The following DNAJC5 variants were observed in gnomAD, a reference collection of about 807,000 sequenced individuals.
The protein encoded by DNAJC5 is dnaJ homolog subfamily C member 5.
In DNAJC5, 1 loss-of-function variant was observed where a neutral mutation model predicts 23.2. That is an observed-to-expected ratio of 0.04 (90% CI 0.02 to 0.20). DNAJC5 has a LOEUF of 0.20. Among genes scored for constraint, DNAJC5 ranks in the 10% least tolerant of loss-of-function variants. The pLI, the probability that DNAJC5 is intolerant of heterozygous loss-of-function variation, is 1.00. For synonymous variants in DNAJC5, 136 were observed against 120.0 expected, an observed-to-expected ratio of 1.13 and a Z score of -0.87; for missense variants, 180 against 267.0, an observed-to-expected ratio of 0.67 and a Z score of 2.27.
chr20:63,907,979 G>A (rs2053458237), intron 1 of DNAJC5, among the ~76,000 whole-genome samples: 1 of 152,182 alleles, frequency 6.6e-6, no homozygotes, highest in African/African-American at 2.4e-5. Flanking sequence ...GGTTGGCGAG[G>A]CTAGTCTCGA....
chr20:63,930,016 G>C (rs1230071364), intron 3 of DNAJC5, among the ~76,000 whole-genome samples: 5 of 152,232 alleles, frequency 3.3e-5, no homozygotes, highest in Non-Finnish European at 7.3e-5. Context: ...CGTGAGACAG[G>C]AGGAAATAAG....
chr20:63,922,650 G>T (rs1229169118), intron 1 of DNAJC5, among the ~76,000 whole-genome samples: 1 of 151,738 alleles, frequency 6.6e-6, no homozygotes, highest in African/African-American at 2.4e-5. Context: ...CACGCCTGTA[G>T]TCCCACCTAT....
At chr20:63,896,383 T>C (rs553998347) in intron 1 of DNAJC5, among the ~76,000 whole-genome samples, 15 of 152,308 alleles carry the variant, frequency 9.8e-5, no homozygotes, top group Admixed American at 5.9e-4. Flanking sequence ...GTCGGTGCTG[T>C]AGGACTCGGG....
chr20:63,924,511 G>A (rs2053596137), intron 1 of DNAJC5, among the ~76,000 whole-genome samples: 1 of 152,064 alleles, frequency 6.6e-6, no homozygotes, highest in Non-Finnish European at 1.5e-5. Context: ...TCAACCTCCT[G>A]TGTCACTAGG....
chr20:63,905,716 C>T (rs780331718), intron 1 of DNAJC5, among the ~76,000 whole-genome samples: 14 of 151,152 alleles, frequency 9.3e-5, no homozygotes, highest in Non-Finnish European at 1.5e-4. Context: ...ATTATAGGGG[C>T]GTGCCACCCT....
intron 1 of DNAJC5, among the ~76,000 whole-genome samples, chr20:63,918,127 TG>T (rs570406771): frequency 1.1e-3 from 174 of 152,312 alleles, no homozygotes; most frequent in African/African-American, 4.0e-3. Flanking sequence ...GGATCAGTTG[TG>T]GTCTATTCAC....
At chr20:63,906,094 TA>T (rs1212261956) in intron 1 of DNAJC5, among the ~76,000 whole-genome samples, 1 of 152,154 alleles carries the variant, frequency 6.6e-6, no homozygotes, top group African/African-American at 2.4e-5. Flanking sequence ...CGACAATAAT[TA>T]ATGTGTCTTC....
At chr20:63,922,662 C>A (rs1276917034) in intron 1 of DNAJC5, among the ~76,000 whole-genome samples, 1 of 151,876 alleles carries the variant, frequency 6.6e-6, no homozygotes, top group East Asian at 1.9e-4. Context: ...CCCACCTATT[C>A]AGGAGGCTGT....
At chr20:63,905,866 C>T (rs988386453) in intron 1 of DNAJC5, among the ~76,000 whole-genome samples, 18 of 151,998 alleles carry the variant, frequency 1.2e-4, no homozygotes, top group African/African-American at 4.1e-4. Context: ...TCCCGAGTAG[C>T]TGGGATTACA....
At chr20:63,902,356 ATCT>A in intron 1 of DNAJC5, among the ~76,000 whole-genome samples, 1 of 124,100 alleles carries the variant, frequency 8.1e-6, no homozygotes, top group South Asian at 2.5e-4. Context: ...TCCTGGCCTC[ATCT>A]TTTTTTTTTT....
chr20:63,903,791 A>G (rs1029548981), intron 1 of DNAJC5, among the ~76,000 whole-genome samples: 3 of 152,178 alleles, frequency 2.0e-5, no homozygotes, highest in African/African-American at 7.2e-5. Flanking sequence ...CTCTACTAAA[A>G]ATACAAAAAT....
At chr20:63,912,480 A>T (rs1162707899) in intron 1 of DNAJC5, among the ~76,000 whole-genome samples, 1 of 152,124 alleles carries the variant, frequency 6.6e-6, no homozygotes, top group African/African-American at 2.4e-5. Context: ...AGAAATACAC[A>T]TTCAAACTGT....
At chr20:63,908,440 C>G (rs1310289643) in intron 1 of DNAJC5, among the ~76,000 whole-genome samples, 3 of 152,210 alleles carry the variant, frequency 2.0e-5, no homozygotes, top group African/African-American at 4.8e-5. Context: ...GCTCTGTGGT[C>G]TGCTCAGTGG....
At chr20:63,908,488 C>T (rs563215307) in intron 1 of DNAJC5, among the ~76,000 whole-genome samples, 2 of 152,228 alleles carry the variant, frequency 1.3e-5, no homozygotes, top group African/African-American at 2.4e-5. Flanking sequence ...GGGGTGGAGC[C>T]GCAGCCAGGG....
In DNAJC5 at chr20:63,931,196, A is replaced by G; in HGVS notation, c.493+174A>G. ...GTGGACCCTGAGGTAAAGCAGGCGC[A>G]TAGAGCTGTCCCCGCCGTGACCTGC... On this transcript the variant is annotated intron_variant, in intron 4 of 4. Transcript: ENST00000360864. This position sits in a 1 kb window ranked among gnomAD's most constrained non-coding sequence, Gnocchi z 9.6. The G allele has an allele frequency of 2.4e-6, 2 of 820,308 alleles. No homozygotes were observed. The highest frequency in any genetic ancestry group is 2.0e-6 in the Non-Finnish European group (1 of 498,460). The allele number at this position is 820,308 out of a possible 1,614,324, so 50.8% of individuals were successfully genotyped here.
chr20:63,930,492 T>C (rs924389305), intron 3 of DNAJC5, among the ~76,000 whole-genome samples: 25 of 152,222 alleles, frequency 1.6e-4, no homozygotes, highest in African/African-American at 5.1e-4. Flanking sequence ...GGACTACAGG[T>C]GCCCGCCACC....
intron 3 of DNAJC5, among the ~76,000 whole-genome samples, chr20:63,930,504 C>T (rs936947431): frequency 2.0e-5 from 3 of 152,188 alleles, no homozygotes; most frequent in East Asian, 1.9e-4. Flanking sequence ...CCCGCCACCA[C>T]GTCCAGCTAA....
rs896646320 is a variant in DNAJC5, at chr20:63,934,498, G to A, written c.*2930G>A. On this transcript the variant is annotated 3_prime_UTR_variant, in exon 5 of 5. Coordinates refer to ENST00000360864, the MANE Select transcript of DNAJC5 (RefSeq NM_025219.3). ...TGAGGCCCGTCCGGTTCACGAGGGGGTCCGGGCAGCACTGACTGCTTCCGA... is the reference window on the plus strand; with the variant it reads ...TGAGGCCCGTCCGGTTCACGAGGGGATCCGGGCAGCACTGACTGCTTCCGA... The A allele has an allele frequency of 6.6e-6, 1 of 152,300 alleles. No homozygotes were observed. Among genetic ancestry groups the A allele is most frequent in the Admixed American group, 6.5e-5 (1 of 15,290 alleles). 9.4% of individuals were successfully genotyped at this position (152,300 alleles called of 1,614,324 possible). A position where few individuals can be genotyped will look rare whatever the true frequency, so the allele number is the denominator to read the frequency against.
rs1907891100 is a variant in DNAJC5 at position 63,935,179 on chromosome 20, G to A, written c.*3611G>A. 1 of 152,268 alleles carries A rather than the reference G, an allele frequency of 6.6e-6. No homozygotes were observed. The highest frequency in any genetic ancestry group is 6.5e-5 in the Admixed American group (1 of 15,284). 9.4% of individuals were successfully genotyped at this position (152,268 alleles called of 1,614,324 possible). A position where few individuals can be genotyped will look rare whatever the true frequency, so the allele number is the denominator to read the frequency against. On this transcript the variant is annotated 3_prime_UTR_variant, in exon 5 of 5. Coordinates refer to ENST00000360864, the MANE Select transcript of DNAJC5 (RefSeq NM_025219.3). ...TCACATGCTGTGAGTGTGGGCTGTGGTGTGTCCGTGTGTGTACATATGTGT... is the reference window on the plus strand; with the variant it reads ...TCACATGCTGTGAGTGTGGGCTGTGATGTGTCCGTGTGTGTACATATGTGT...
Sources: gnomAD v4.1 joint callset for allele counts (sites outside exome capture counted in the v4.1 genomes callset) on GRCh38, gnomAD v4.1.1 for gene constraint, Gnocchi (gnomAD v3.1) non-coding constraint, MANE v1.5 for transcripts, NCBI Gene and HGNC (gene_info 2026-07-23, HGNC 2026-07-21) for gene names.